Variants in RORA observed in about 807,000 individuals in gnomAD.
RORA encodes RAR related orphan receptor A.
In RORA, 7 loss-of-function variants were observed where a neutral mutation model predicts 69.5. The observed-to-expected ratio is 0.10, with a 90% CI of 0.06 to 0.19. RORA has a LOEUF of 0.19. Ranked by LOEUF, RORA falls within the 10% of genes least tolerant of loss-of-function variation. The probability of loss-of-function intolerance (pLI) is 1.00; values close to 1 mark genes in which losing one functional copy is unlikely to be tolerated. For missense variants in RORA, 457 were observed against 663.0 expected, an observed-to-expected ratio of 0.69 and a Z score of 3.41; for synonymous variants, 261 against 240.8, an observed-to-expected ratio of 1.08 and a Z score of -0.78.
At chr15:60,556,797 T>TAA (rs1333567444) in intron 2 of RORA, 1 of 1,357,542 alleles carries the variant, frequency 7.4e-7, no homozygotes, top group African/African-American at 1.4e-5. Context: ...CACTTCTTCC[T>TAA]AAAAGCCTTC....
At chr15:60,617,950 C>T (rs1326815550) in intron 2 of RORA, among the ~76,000 whole-genome samples, 2 of 152,166 alleles carry the variant, frequency 1.3e-5, no homozygotes, top group African/African-American at 4.8e-5. Context: ...CTCAAGAAGT[C>T]TGCTGTACTC....
At chr15:60,550,173 C>A (rs2067191789) in intron 2 of RORA, among the ~76,000 whole-genome samples, 1 of 152,192 alleles carries the variant, frequency 6.6e-6, no homozygotes, top group Non-Finnish European at 1.5e-5. Context: ...CGCCTATAAT[C>A]CCAGCTACTC....
chr15:60,918,819 C>G (rs999160259), intron 1 of RORA, among the ~76,000 whole-genome samples: 1 of 152,106 alleles, frequency 6.6e-6, no homozygotes, highest in African/African-American at 2.4e-5. Context: ...AGGCCCTGAG[C>G]TGTACCAGGC....
rs533536647 is a variant in RORA at position 60,780,483 on chromosome 15, A to T, written c.167-101797T>A. Among the ~76,000 whole-genome samples the T allele has an allele frequency of 2.6e-5, 4 of 152,338 alleles. No individual in the cohort carries two copies. In the South Asian group the frequency reaches 8.3e-4, roughly 32 times the overall value. On this transcript the variant is annotated intron_variant, in intron 1 of 10. Coordinates refer to ENST00000335670, the MANE Select transcript of RORA (RefSeq NM_134261.3). ...AATCAGGCGAGCTTCTCCTCGCCTA[A>T]TAGCTTCCAACTAGCATCAGTGTTC...
intron 1 of RORA, among the ~76,000 whole-genome samples, chr15:60,856,632 C>T (rs2073383677): frequency 6.6e-6 from 1 of 151,898 alleles, no homozygotes; most frequent in Non-Finnish European, 1.5e-5. Context: ...ATGCTTGAAT[C>T]AAGGGGGAAG....
intron 2 of RORA, among the ~76,000 whole-genome samples, chr15:60,545,737 A>G (rs2067049571): frequency 6.6e-6 from 1 of 152,098 alleles, no homozygotes; most frequent in African/African-American, 2.4e-5. Context: ...CTCATTCTTG[A>G]CTTTTAGACA....
intron 2 of RORA, among the ~76,000 whole-genome samples, chr15:60,609,661 A>G (rs2140577924): frequency 6.6e-6 from 1 of 152,330 alleles, no homozygotes; most frequent in East Asian, 1.9e-4. Context: ...AAATGGGAAG[A>G]CACAGAAGAG....
At chr15:60,922,852 T>C (rs1379592352) in intron 1 of RORA, among the ~76,000 whole-genome samples, 1 of 152,194 alleles carries the variant, frequency 6.6e-6, no homozygotes, top group Non-Finnish European at 1.5e-5. Context: ...TCTAATACTA[T>C]AAAGGAAAGA....
chr15:60,998,055 T>C (rs1169706285), intron 1 of RORA, among the ~76,000 whole-genome samples: 2 of 152,218 alleles, frequency 1.3e-5, no homozygotes, highest in East Asian at 1.9e-4. Flanking sequence ...TAGAGACCAA[T>C]AGGTGTGGCT....
intron 1 of RORA, among the ~76,000 whole-genome samples, chr15:60,773,573 G>A (rs972198051): frequency 2.0e-5 from 3 of 152,078 alleles, no homozygotes; most frequent in Admixed American, 1.3e-4. Flanking sequence ...GTGATACCCC[G>A]ATAACTATTA....
chr15:61,025,290 A>G (rs960821321), intron 1 of RORA, among the ~76,000 whole-genome samples: 2 of 152,190 alleles, frequency 1.3e-5, no homozygotes, highest in Non-Finnish European at 2.9e-5. Context: ...GAGGCTCGGT[A>G]TCACAAAGCC....
intron 1 of RORA, among the ~76,000 whole-genome samples, chr15:61,094,027 A>G (rs1185618744): frequency 1.3e-5 from 2 of 152,220 alleles, no homozygotes; most frequent in African/African-American, 4.8e-5. Context: ...AACATGGCCT[A>G]GGGCTTTGTC....
At chr15:60,826,668 TGGA>T (rs2072963304) in intron 1 of RORA, among the ~76,000 whole-genome samples, 1 of 148,900 alleles carries the variant, frequency 6.7e-6, no homozygotes, top group Admixed American at 6.7e-5. Flanking sequence ...TTTTTTCCCA[TGGA>T]GGAGGAGGAG....
At chr15:60,763,062 C>A (rs1404240531) in intron 1 of RORA, among the ~76,000 whole-genome samples, 1 of 61,932 alleles carries the variant, frequency 1.6e-5, no homozygotes. Flanking sequence ...CCAATATGCA[C>A]AGATTTTTTT....
At chr15:61,167,890 C>T (rs1402285349) in intron 1 of RORA, among the ~76,000 whole-genome samples, 4 of 152,158 alleles carry the variant, frequency 2.6e-5, no homozygotes, top group African/African-American at 9.6e-5. Context: ...ATGTTTCCTG[C>T]ACATTCACAC....
chr15:61,030,533 G>T (rs1896106975), intron 1 of RORA, among the ~76,000 whole-genome samples: 1 of 152,170 alleles, frequency 6.6e-6, no homozygotes, highest in Non-Finnish European at 1.5e-5. Flanking sequence ...ATAATCCATG[G>T]TGCACAGGTC....
chr15:61,192,996 A>G (rs1408285890), intron 1 of RORA, among the ~76,000 whole-genome samples: 1 of 152,202 alleles, frequency 6.6e-6, no homozygotes, highest in East Asian at 1.9e-4. Flanking sequence ...GAAACCTTCA[A>G]CGACTCTCTG....
intron 2 of RORA, among the ~76,000 whole-genome samples, chr15:60,617,266 C>G (rs2069270129): frequency 6.6e-6 from 1 of 152,180 alleles, no homozygotes; most frequent in African/African-American, 2.4e-5. Context: ...CAATCAATCA[C>G]TCATACAAGG....
chr15:60,564,897 C>T (rs2067673866), intron 2 of RORA, among the ~76,000 whole-genome samples: 2 of 152,172 alleles, frequency 1.3e-5, no homozygotes, highest in South Asian at 2.1e-4. Context: ...CATTATTATA[C>T]ATTTTTGCTT....
Sources: gnomAD v4.1 joint callset for allele counts (sites outside exome capture counted in the v4.1 genomes callset) on GRCh38, gnomAD v4.1.1 for gene constraint, MANE v1.5 for transcripts, NCBI Gene and HGNC (gene_info 2026-07-23, HGNC 2026-07-21) for gene names.